LRP1B: variants seen among roughly 807,000 people sequenced by gnomAD.
LRP1B encodes LDL receptor related protein 1B.
In LRP1B, 217 loss-of-function variants were observed where a neutral mutation model predicts 556.6. The observed-to-expected ratio is 0.39, with a 90% CI of 0.35 to 0.44. The LOEUF is 0.44. Among genes scored for constraint, LRP1B ranks in the 20% least tolerant of loss-of-function variants. The pLI, the probability that LRP1B is intolerant of heterozygous loss-of-function variation, is 1.00. For missense variants in LRP1B, 5,053 were observed against 5,620.8 expected (o/e 0.90, Z 3.23); for synonymous variants, 2,047 against 1,865.8 (o/e 1.10, Z -2.50).
intron 3 of LRP1B, among the ~76,000 whole-genome samples, chr2:141,341,504 G>T (rs551416922): frequency 1.3e-5 from 2 of 151,648 alleles, no homozygotes; most frequent in South Asian, 4.2e-4. Context: ...CTATTTTTAC[G>T]TCTCACAATG....
At chr2:140,427,067 C>A (rs1309708329) in intron 66 of LRP1B, among the ~76,000 whole-genome samples, 1 of 152,162 alleles carries the variant, frequency 6.6e-6, no homozygotes, top group Non-Finnish European at 1.5e-5. Context: ...CAATTCCTTT[C>A]ATTTTCTCGT....
intron 84 of LRP1B, among the ~76,000 whole-genome samples, chr2:140,294,786 G>A (rs1200367813): frequency 1.3e-5 from 2 of 152,188 alleles, no homozygotes; most frequent in Non-Finnish European, 2.9e-5. Flanking sequence ...GTGGGTGGAA[G>A]TTGTGTTGAG....
intron 31 of LRP1B, among the ~76,000 whole-genome samples, chr2:140,829,036 G>T (rs1345901690): frequency 6.6e-6 from 1 of 151,708 alleles, no homozygotes; most frequent in Non-Finnish European, 1.5e-5. Context: ...AGACAAAGAA[G>T]GTCAACATAT....
intron 3 of LRP1B, among the ~76,000 whole-genome samples, chr2:141,288,245 A>AC (rs1685798875): frequency 6.6e-6 from 1 of 151,488 alleles, no homozygotes; most frequent in Admixed American, 6.6e-5. Context: ...TAACAAAAAA[A>AC]AAAATTTGTT....
intron 41 of LRP1B, among the ~76,000 whole-genome samples, chr2:140,626,486 A>G (rs1223338104): frequency 7.9e-5 from 12 of 152,162 alleles, no homozygotes; most frequent in African/African-American, 2.7e-4. Context: ...GAATTTCTGT[A>G]CTTTTTATTT....
intron 41 of LRP1B, among the ~76,000 whole-genome samples, chr2:140,677,869 T>C (rs1037978702): frequency 1.6e-5 from 2 of 128,210 alleles, no homozygotes; most frequent in Non-Finnish European, 3.2e-5. Context: ...AGAGCAAAAC[T>C]ATGTCTCAAA....
At chr2:140,704,019 C>G (rs561072628) in intron 37 of LRP1B, among the ~76,000 whole-genome samples, 2 of 151,922 alleles carry the variant, frequency 1.3e-5, no homozygotes, top group East Asian at 3.9e-4. Context: ...GGGTATATGC[C>G]CAGTAATGGG....
At chr2:141,440,221 G>C (rs562001837) in intron 3 of LRP1B, among the ~76,000 whole-genome samples, 4 of 152,296 alleles carry the variant, frequency 2.6e-5, no homozygotes, top group Admixed American at 2.0e-4. Flanking sequence ...CAGGATTTGC[G>C]CCCAGCCCGG....
At chr2:141,175,020 T>C (rs1680675060) in intron 7 of LRP1B, among the ~76,000 whole-genome samples, 1 of 152,118 alleles carries the variant, frequency 6.6e-6, no homozygotes. Flanking sequence ...CCTGGAGATT[T>C]GTGGAACTTT....
intron 67 of LRP1B, among the ~76,000 whole-genome samples, chr2:140,378,868 T>G (rs1683351152): frequency 6.6e-6 from 1 of 152,192 alleles, no homozygotes; most frequent in Admixed American, 6.5e-5. Context: ...AAACTGCACA[T>G]TTGTTTATGC....
intron 55 of LRP1B, among the ~76,000 whole-genome samples, chr2:140,497,518 TA>T (rs929878741): frequency 6.6e-5 from 10 of 150,720 alleles, no homozygotes; most frequent in African/African-American, 1.9e-4. Flanking sequence ...AATAAATATT[TA>T]AAAAAAAAGA....
intron 3 of LRP1B, among the ~76,000 whole-genome samples, chr2:141,284,363 G>T (rs188794554): frequency 1.8e-3 from 270 of 152,298 alleles, no homozygotes; most frequent in African/African-American, 6.1e-3. Flanking sequence ...TAAAACAACA[G>T]TTTAGAAAGA....
intron 18 of LRP1B, among the ~76,000 whole-genome samples, chr2:140,960,828 T>C (rs567931821): frequency 6.6e-6 from 1 of 152,022 alleles, no homozygotes; most frequent in Non-Finnish European, 1.5e-5. Flanking sequence ...TTCAAAGATC[T>C]ATTTAAAACA....
intron 1 of LRP1B, among the ~76,000 whole-genome samples, chr2:141,990,536 A>G (rs1324202008): frequency 6.6e-6 from 1 of 152,038 alleles, no homozygotes; most frequent in Admixed American, 6.6e-5. Flanking sequence ...ATATAAAGAA[A>G]GCAGCTGTCT....
At position 140,541,943 on chromosome 2, in the gene LRP1B, A is replaced by T. The variant is rs1680152469; in HGVS notation, c.7223T>A (p.Phe2408Tyr). 6.2e-7 allele frequency: 1 copy of T among 1,608,624 alleles called. No homozygotes were observed. The highest frequency in any genetic ancestry group is 8.5e-7 in the Non-Finnish European group (1 of 1,176,516). Reference protein sequence around the residue: ...HVIVKSGPGTFLSLAVYDNYI... With the variant: ...HVIVKSGPGTYLSLAVYDNYI... Reference sequence around the variant, plus strand: ...ATTGTCATAAACAGCCAAACTGAGGAAAGTCCCTGGCCCAGATTTAACTAT... The same window carrying T: ...ATTGTCATAAACAGCCAAACTGAGGTAAGTCCCTGGCCCAGATTTAACTAT... The change falls in exon 44 of 91, where the codon TTC becomes TAC. Residue 2408 changes from phenylalanine (F) to tyrosine (Y), a missense_variant. Phe to Tyr is a conservative substitution (Grantham distance 22). Transcript: ENST00000389484.
chr2:142,000,767 G>C (rs1702628034), intron 1 of LRP1B, among the ~76,000 whole-genome samples: 2 of 152,092 alleles, frequency 1.3e-5, no homozygotes, highest in African/African-American at 4.8e-5. Flanking sequence ...CTACTATTAT[G>C]CCTGTTCTAC....
chr2:140,744,290 T>C (rs955197142), intron 35 of LRP1B, among the ~76,000 whole-genome samples: 3 of 152,148 alleles, frequency 2.0e-5, no homozygotes, highest in Admixed American at 6.5e-5. Flanking sequence ...CAATTAATTA[T>C]TTTTAAAAAT....
chr2:140,938,326 A>T (rs897234535), intron 20 of LRP1B, among the ~76,000 whole-genome samples: 1 of 152,092 alleles, frequency 6.6e-6, no homozygotes, highest in East Asian at 1.9e-4. Context: ...TATTTTATCA[A>T]GGTGAATTAT....
At chr2:140,492,957 C>A (rs77317309) in intron 56 of LRP1B, among the ~76,000 whole-genome samples, 27 of 152,048 alleles carry the variant, frequency 1.8e-4, no homozygotes, top group African/African-American at 6.0e-4. Context: ...ATAATTTATT[C>A]GGAATTAGTA....
Sources: gnomAD v4.1 joint callset for allele counts (sites outside exome capture counted in the v4.1 genomes callset) on GRCh38, gnomAD v4.1.1 for gene constraint, MANE v1.5 for transcripts, NCBI Gene and HGNC (gene_info 2026-07-23, HGNC 2026-07-21) for gene names.